Variants in OXCT1 observed in about 807,000 individuals in gnomAD.
OXCT1 encodes succinyl-CoA:3-ketoacid coenzyme A transferase 1, mitochondrial.
In OXCT1, 27 loss-of-function variants were observed where a neutral mutation model predicts 69.6. The ratio of observed to expected loss-of-function variants is 0.39; its 90% CI spans 0.29 to 0.54. The LOEUF (loss-of-function observed/expected upper bound fraction) is 0.54, where lower values mean the gene tolerates loss of function less well. OXCT1 is among the 20% of genes least tolerant of loss of function. The pLI is 0.72. For synonymous variants in OXCT1, 202 were observed against 217.8 expected, an observed-to-expected ratio of 0.93 and a Z score of 0.64; for missense variants, 437 against 650.2, an observed-to-expected ratio of 0.67 and a Z score of 3.57.
At chr5:41,847,199 T>C (rs913702905) in intron 5 of OXCT1, among the ~76,000 whole-genome samples, 16 of 151,750 alleles carry the variant, frequency 1.1e-4, no homozygotes, top group Admixed American at 2.6e-4. Context: ...ATAAATTCCT[T>C]GACACATACA....
At chr5:41,815,339 T>C (rs1045951718) in intron 7 of OXCT1, among the ~76,000 whole-genome samples, 1 of 152,198 alleles carries the variant, frequency 6.6e-6, no homozygotes, top group African/African-American at 2.4e-5. Context: ...ACTAACACTT[T>C]ATTTTTATTT....
At chr5:41,739,639 G>A in intron 15 of OXCT1, 148 bp from the exon 16 acceptor site, 1 of 638,156 alleles carries the variant, frequency 1.6e-6, no homozygotes. Context: ...GCTTAGGTGG[G>A]TGGATCACAA....
At chr5:41,756,086 C>A (rs1744054755) in intron 14 of OXCT1, among the ~76,000 whole-genome samples, 1 of 152,080 alleles carries the variant, frequency 6.6e-6, no homozygotes, top group East Asian at 1.9e-4. Context: ...TTTCATTCAC[C>A]AGGTTTATTC....
At chr5:41,810,752 GA>G (rs2058652747) in intron 7 of OXCT1, among the ~76,000 whole-genome samples, 1 of 152,038 alleles carries the variant, frequency 6.6e-6, no homozygotes, top group Non-Finnish European at 1.5e-5. Flanking sequence ...TCTCAGGTAA[GA>G]GAAAAGAGGA....
chr5:41,863,073 C>T (rs1462968739), intron 1 of OXCT1, among the ~76,000 whole-genome samples: 1 of 152,098 alleles, frequency 6.6e-6, no homozygotes, highest in South Asian at 2.1e-4. Context: ...ACTTTTATTA[C>T]AGTATATTGT....
At chr5:41,773,210 T>C (rs1405964407) in intron 13 of OXCT1, among the ~76,000 whole-genome samples, 1 of 151,920 alleles carries the variant, frequency 6.6e-6, no homozygotes, top group East Asian at 1.9e-4. Context: ...GGAAAAAAAG[T>C]GATGTGTCTT....
At chr5:41,846,456 T>C (rs1308940610) in intron 5 of OXCT1, among the ~76,000 whole-genome samples, 3 of 149,372 alleles carry the variant, frequency 2.0e-5, no homozygotes, top group African/African-American at 7.4e-5. Flanking sequence ...ACAAAGGACA[T>C]GAACTCATCA....
At chr5:41,833,063 A>G (rs1419946906) in intron 7 of OXCT1, among the ~76,000 whole-genome samples, 2 of 152,240 alleles carry the variant, frequency 1.3e-5, no homozygotes, top group African/African-American at 4.8e-5. Context: ...AAGAAGAGGT[A>G]GAGAAAGAGA....
chr5:41,825,136 G>A (rs960652235), intron 7 of OXCT1, among the ~76,000 whole-genome samples: 22 of 152,162 alleles, frequency 1.4e-4, no homozygotes, highest in Admixed American at 3.9e-4. Context: ...AATTCTCTTC[G>A]AAGAACCCAA....
Position 41,773,028 on chromosome 5 carries a change from C to A in OXCT1, c.1249-10828G>T, listed in dbSNP as rs185318902. ...TCACTCTGGGAGGGTCCTATCATCA[C>A]AGGCAGGAAAAACACAGTTTCTCCT... On this transcript the variant is annotated intron_variant, in intron 13 of 16. Coordinates refer to ENST00000196371, the MANE Select transcript of OXCT1 (RefSeq NM_000436.4). Among the ~76,000 whole-genome samples, 179 of 152,308 alleles carry A rather than the reference C, an allele frequency of 1.2e-3. 1 individual carries two copies. In the Middle Eastern group the frequency reaches 0.014, roughly 12 times the overall value.
intron 7 of OXCT1, among the ~76,000 whole-genome samples, chr5:41,834,503 A>AAAAC (rs1561114851): frequency 6.6e-6 from 1 of 151,722 alleles, no homozygotes; most frequent in Non-Finnish European, 1.5e-5. Context: ...AAAAAAAAAA[A>AAAAC]ACAAAACAGA....
chr5:41,772,108 G>A (rs748653344), intron 13 of OXCT1, among the ~76,000 whole-genome samples: 8 of 152,048 alleles, frequency 5.3e-5, no homozygotes, highest in South Asian at 2.1e-4. Context: ...TCAACAACTC[G>A]TTCACATGGA....
At chr5:41,849,913 T>C in intron 5 of OXCT1, 117 bp downstream of exon 5, 1 of 1,046,938 alleles carries the variant, frequency 9.6e-7, no homozygotes, top group Non-Finnish European at 1.5e-6. Flanking sequence ...TTTATGAAAA[T>C]GAATGAGTGC....
chr5:41,783,746 G>C (rs1745520174), intron 13 of OXCT1, among the ~76,000 whole-genome samples: 1 of 152,148 alleles, frequency 6.6e-6, no homozygotes, highest in African/African-American at 2.4e-5. Flanking sequence ...GTAGCAGCAT[G>C]GTTTGGAATC....
intron 5 of OXCT1, among the ~76,000 whole-genome samples, chr5:41,845,176 A>C (rs561574807): frequency 6.6e-6 from 1 of 152,204 alleles, no homozygotes; most frequent in South Asian, 2.1e-4. Flanking sequence ...CAAACACGGC[A>C]AGCCTGTAGC....
intron 3 of OXCT1, among the ~76,000 whole-genome samples, chr5:41,854,915 A>C (rs1158023774): frequency 6.6e-6 from 1 of 152,228 alleles, no homozygotes; most frequent in African/African-American, 2.4e-5. Flanking sequence ...TGGGTCAGCA[A>C]TTCCATTCTG....
intron 3 of OXCT1, 107 bp downstream of exon 3, chr5:41,861,207 T>C: frequency 1.3e-6 from 1 of 787,110 alleles, no homozygotes; most frequent in East Asian, 2.5e-5. Flanking sequence ...TGCTTGGACA[T>C]ATTGCTCATG....
chr5:41,846,384 T>C (rs1748908006), intron 5 of OXCT1, among the ~76,000 whole-genome samples: 1 of 147,738 alleles, frequency 6.8e-6, no homozygotes, highest in African/African-American at 2.5e-5. Flanking sequence ...ATGCAGTGTT[T>C]GGTTTTTTGT....
chr5:41,813,593 T>C (rs1463240127), intron 7 of OXCT1, among the ~76,000 whole-genome samples: 1 of 152,116 alleles, frequency 6.6e-6, no homozygotes, highest in African/African-American at 2.4e-5. Context: ...TAAATGAAGA[T>C]AAGGAAGTCA....
Sources: gnomAD v4.1 joint callset for allele counts (sites outside exome capture counted in the v4.1 genomes callset) on GRCh38, gnomAD v4.1.1 for gene constraint, MANE v1.5 for transcripts, NCBI Gene and HGNC (gene_info 2026-07-23, HGNC 2026-07-21) for gene names.